EML6: variants seen among roughly 807,000 people sequenced by gnomAD.
EML6 encodes EMAP like 6, also known as echinoderm microtubule-associated protein-like 6.
In EML6, 154 loss-of-function variants were observed where a neutral mutation model predicts 240.1. The ratio of observed to expected loss-of-function variants is 0.64; its 90% CI spans 0.56 to 0.73. The LOEUF (loss-of-function observed/expected upper bound fraction) is 0.73, where lower values mean the gene tolerates loss of function less well. EML6 is among the 30% of genes least tolerant of loss of function. EML6 has a pLI of 0.00. For missense variants in EML6, 2,964 were observed against 2,474.6 expected (o/e 1.20, Z -4.20); for synonymous variants, 1,148 against 899.0 (o/e 1.28, Z -4.95).
chr2:54,823,205 A>G (rs912570591), intron 5 of EML6, among the ~76,000 whole-genome samples: 6 of 152,218 alleles, frequency 3.9e-5, no homozygotes, highest in African/African-American at 1.4e-4. Flanking sequence ...CTCTATCGAT[A>G]AAGATGACAT....
intron 2 of EML6, among the ~76,000 whole-genome samples, chr2:54,789,143 C>G (rs1201532075): frequency 1.3e-5 from 2 of 152,190 alleles, no homozygotes; most frequent in Non-Finnish European, 2.9e-5. Context: ...CTGGAAGATA[C>G]TTGCGTAAAC....
At chr2:54,922,738 C>A (rs1049741867) in intron 26 of EML6, among the ~76,000 whole-genome samples, 1 of 152,050 alleles carries the variant, frequency 6.6e-6, no homozygotes, top group African/African-American at 2.4e-5. Context: ...GAAATCCTGT[C>A]ATTTGCAATA....
intron 3 of EML6, among the ~76,000 whole-genome samples, chr2:54,815,028 C>T (rs1324652641): frequency 1.3e-5 from 2 of 152,168 alleles, no homozygotes; most frequent in Non-Finnish European, 2.9e-5. Flanking sequence ...ATGCTTATGT[C>T]TGTACTGGTA....
intron 2 of EML6, among the ~76,000 whole-genome samples, chr2:54,762,868 A>G (rs1186852239): frequency 6.6e-6 from 1 of 152,192 alleles, no homozygotes; most frequent in Non-Finnish European, 1.5e-5. Context: ...ATCTGTGATC[A>G]TTGCTGTGCC....
intron 17 of EML6, among the ~76,000 whole-genome samples, chr2:54,885,974 G>T (rs930141807): frequency 6.6e-6 from 1 of 151,982 alleles, no homozygotes; most frequent in African/African-American, 2.4e-5. Flanking sequence ...TCTCATCGTA[G>T]GGTTCACATT....
intron 41 of EML6, among the ~76,000 whole-genome samples, chr2:54,969,184 ATTTC>A (rs551850298): frequency 3.9e-5 from 6 of 152,176 alleles, no homozygotes; most frequent in South Asian, 2.1e-4. Flanking sequence ...AGTGTTGGGA[ATTTC>A]TTTATTTACT....
intron 2 of EML6, among the ~76,000 whole-genome samples, chr2:54,804,565 C>G (rs1209243489): frequency 1.3e-5 from 2 of 152,216 alleles, no homozygotes; most frequent in Non-Finnish European, 1.5e-5. Context: ...CTGCCCACTT[C>G]CTGCCTGTGG....
Position 54,971,462 on chromosome 2 carries a change from C to G in EML6, c.*1367C>G, listed in dbSNP as rs1370687345. The G allele has an allele frequency of 6.6e-6, 1 of 152,206 alleles. No homozygotes were observed. Among genetic ancestry groups the G allele is most frequent in the Non-Finnish European group, 1.5e-5 (1 of 68,032 alleles). 9.4% of individuals were successfully genotyped at this position (152,206 alleles called of 1,614,324 possible). On this transcript the variant is annotated 3_prime_UTR_variant, in exon 42 of 42. Transcript: ENST00000356458. ...AACGAAAATTCTAGACCTACAGTTA[C>G]TGGCTACTTGCATTTGTCAGTTTAG...
At chr2:54,909,604 G>C (rs1482321707) in intron 24 of EML6, among the ~76,000 whole-genome samples, 1 of 152,008 alleles carries the variant, frequency 6.6e-6, no homozygotes, top group Admixed American at 6.6e-5. Flanking sequence ...CCAGCACTTT[G>C]GGAGGCCGAG....
chr2:54,901,774 C>A (rs1322406474), intron 22 of EML6, among the ~76,000 whole-genome samples: 1 of 152,182 alleles, frequency 6.6e-6, no homozygotes, highest in African/African-American at 2.4e-5. Flanking sequence ...GTATTAAATG[C>A]CCTGGCACAA....
intron 11 of EML6, 51 bp from the exon 12 acceptor site, chr2:54,859,483 A>G: frequency 6.9e-7 from 1 of 1,446,592 alleles, no homozygotes; most frequent in South Asian, 1.3e-5. Context: ...GTTTTAAACT[A>G]ATGAACTCTT....
intron 24 of EML6, among the ~76,000 whole-genome samples, 183 bp from the exon 25 acceptor site, chr2:54,910,771 T>C (rs770350350): frequency 2.0e-5 from 3 of 152,226 alleles, no homozygotes; most frequent in Non-Finnish European, 4.4e-5. Flanking sequence ...AAATCACAGC[T>C]TTGGGGTTTG....
At chr2:54,823,192 G>GC (rs1668410227) in intron 5 of EML6, among the ~76,000 whole-genome samples, 1 of 152,172 alleles carries the variant, frequency 6.6e-6, no homozygotes, top group African/African-American at 2.4e-5. Context: ...AAAAATCAAA[G>GC]CCCTCTATCG....
At chr2:54,950,924 G>A in intron 30 of EML6, 145 bp downstream of exon 30, 1 of 892,608 alleles carries the variant, frequency 1.1e-6, no homozygotes, top group South Asian at 1.8e-5. Flanking sequence ...AGTTAGGCCT[G>A]GTAACGCTCA....
intron 7 of EML6, among the ~76,000 whole-genome samples, chr2:54,832,573 G>A (rs2104205661): frequency 6.6e-6 from 1 of 152,332 alleles, no homozygotes; most frequent in South Asian, 2.1e-4. Context: ...AAGTAATCAA[G>A]ATGTAAATAG....
At chr2:54,885,108 G>C (rs966302083) in intron 17 of EML6, among the ~76,000 whole-genome samples, 2 of 152,254 alleles carry the variant, frequency 1.3e-5, no homozygotes, top group African/African-American at 4.8e-5. Context: ...AGTGAGCCCA[G>C]ATTGCGCCAC....
At chr2:54,967,983 G>A in intron 39 of EML6, 145 bp from the exon 40 acceptor site, 1 of 738,966 alleles carries the variant, frequency 1.4e-6, no homozygotes, top group Non-Finnish European at 2.2e-6. Context: ...ACAGGCCATG[G>A]ACCAGTACCG....
In EML6 at chr2:54,911,779, A is replaced by G. The variant is rs539406424; in HGVS notation, c.3498+737A>G. On this transcript the variant is annotated intron_variant, in intron 25 of 41. Coordinates refer to ENST00000356458, the MANE Select transcript of EML6 (RefSeq NM_001039753.4). ...GACAAAAACAATCTGCAATCTGACC[A>G]TTGTATTGTATCAAACTGTTTTCTT... Among the ~76,000 whole-genome samples, 3 of 152,276 alleles carry G rather than the reference A, an allele frequency of 2.0e-5. No individual in the cohort carries two copies. The South Asian group carries it at 6.2e-4, about 32-fold the overall frequency.
At chr2:54,852,162 T>G (rs1167623175) in intron 10 of EML6, among the ~76,000 whole-genome samples, 1 of 152,254 alleles carries the variant, frequency 6.6e-6, no homozygotes, top group East Asian at 1.9e-4. Flanking sequence ...ACTGGTTATT[T>G]GGTGAAATGT....
Sources: gnomAD v4.1 joint callset for allele counts (sites outside exome capture counted in the v4.1 genomes callset) on GRCh38, gnomAD v4.1.1 for gene constraint, MANE v1.5 for transcripts, NCBI Gene and HGNC (gene_info 2026-07-23, HGNC 2026-07-21) for gene names.